Variants in PCSK5 observed in about 807,000 individuals in gnomAD.
PCSK5 encodes the protein proprotein convertase subtilisin/kexin type 5, also known as prohormone convertase 5.
In PCSK5, 129 loss-of-function variants were observed where a neutral mutation model predicts 233.2. That is an observed-to-expected ratio of 0.55 (90% CI 0.48 to 0.64). The LOEUF is 0.64. PCSK5 is among the 30% of genes least tolerant of loss of function. The pLI is 0.00. For synonymous variants in PCSK5, 825 were observed against 879.2 expected (o/e 0.94, Z 1.09); for missense variants, 2,076 against 2,430.1 (o/e 0.85, Z 3.06).
chr9:75,890,795 T>G lies in PCSK5; in HGVS notation c.-387T>G. The G allele has an allele frequency of 5.4e-6, 1 of 183,998 alleles. No homozygotes were observed. Among genetic ancestry groups the G allele is most frequent in the Non-Finnish European group, 1.1e-5 (1 of 88,710 alleles). The allele number at this position is 183,998 out of a possible 1,614,324, so 11.4% of individuals were successfully genotyped here. ...TCGCTGCCTGTACCGCTCCCGCTGG[T>G]CATCTCCGCCGCGCTCGGGGGCCCC... On this transcript the variant is annotated 5_prime_UTR_variant, in exon 1 of 38. Transcript: ENST00000674117.
intron 2 of PCSK5, among the ~76,000 whole-genome samples, chr9:75,977,478 G>C (rs545434059): frequency 6.9e-6 from 1 of 145,840 alleles, no homozygotes; most frequent in Non-Finnish European, 1.5e-5. Flanking sequence ...TGTCTTTTTT[G>C]CTTCTGAGAT....
At chr9:76,062,558 G>C (rs1287739526) in intron 5 of PCSK5, among the ~76,000 whole-genome samples, 1 of 152,116 alleles carries the variant, frequency 6.6e-6, no homozygotes, top group Non-Finnish European at 1.5e-5. Context: ...TGTACACAGG[G>C]TTTATCCAGA....
At chr9:75,991,350 G>T (rs1267441065) in intron 3 of PCSK5, among the ~76,000 whole-genome samples, 25 of 152,072 alleles carry the variant, frequency 1.6e-4, no homozygotes, top group Non-Finnish European at 4.4e-5. Flanking sequence ...TGATGCTGGG[G>T]TCTCAAAACC....
At chr9:76,278,867 C>T (rs1188102876) in intron 24 of PCSK5, among the ~76,000 whole-genome samples, 1 of 152,088 alleles carries the variant, frequency 6.6e-6, no homozygotes, top group Non-Finnish European at 1.5e-5. Context: ...AGTGAACAGG[C>T]ATATCTCATT....
At chr9:76,347,838 T>C (rs1391507987) in intron 35 of PCSK5, among the ~76,000 whole-genome samples, 1 of 151,918 alleles carries the variant, frequency 6.6e-6, no homozygotes, top group Non-Finnish European at 1.5e-5. Context: ...AGTTATGGAC[T>C]GTTCTCCCTC....
intron 1 of PCSK5, among the ~76,000 whole-genome samples, chr9:75,911,201 G>GTTTTTTTTTTTTTTTTTTTTTTTTTT (rs71370772): frequency 1.6e-4 from 8 of 48,766 alleles, no homozygotes; most frequent in East Asian, 7.3e-4. Context: ...GAACATATAG[G>GTTTTTTTTTTTTTTTTTTTTTTTTTT]TTTTTTTTTT....
At chr9:76,220,368 A>C (rs968739020) in intron 20 of PCSK5, among the ~76,000 whole-genome samples, 1 of 151,922 alleles carries the variant, frequency 6.6e-6, no homozygotes, top group African/African-American at 2.4e-5. Context: ...CTCTACTAAA[A>C]ATACAAAAAT....
intron 24 of PCSK5, among the ~76,000 whole-genome samples, chr9:76,242,480 A>G (rs576281188): frequency 6.6e-6 from 1 of 152,286 alleles, no homozygotes; most frequent in South Asian, 2.1e-4. Context: ...AACACTTAAG[A>G]AGAAGATAAA....
intron 21 of PCSK5, among the ~76,000 whole-genome samples, chr9:76,229,195 A>C (rs35823552): frequency 0.57 from 86,028 of 152,146 alleles, 24,874 homozygotes; most frequent in African/African-American, 0.64. Flanking sequence ...ACTTACTCTA[A>C]GATACAGATA....
At position 76,040,367 on chromosome 9, in the gene PCSK5, CTCTCTCTCTCTCTCTCTG is replaced by C. The variant is rs1563988559; in HGVS notation, c.632+13348_632+13365del. 7.4e-4 allele frequency among the ~76,000 whole-genome samples: 49 copies of C among 66,378 alleles called. 4 individuals are homozygous for C. The highest frequency in any genetic ancestry group is 3.7e-3 in the East Asian group (6 of 1,620). The allele number at this position is 66,378 out of a possible 152,430, so 43.5% of individuals were successfully genotyped here. The stretch of plus-strand genomic sequence containing the variant: ...TCTCTCTCTCTCTCTCTCTCTCTCT[CTCTCTCTCTCTCTCTCTG>C]TCTCTCTCTCTCTCTCTCTCTCTCT... On this transcript the variant is annotated intron_variant, in intron 5 of 37. Transcript: ENST00000674117.
intron 20 of PCSK5, among the ~76,000 whole-genome samples, chr9:76,214,388 A>G (rs1414531712): frequency 1.3e-5 from 2 of 152,058 alleles, no homozygotes; most frequent in Admixed American, 1.3e-4. Context: ...GGGGGGTGCC[A>G]TTTAAACATG....
chr9:76,219,414 C>T (rs1048637790), intron 20 of PCSK5, among the ~76,000 whole-genome samples: 21 of 152,134 alleles, frequency 1.4e-4, no homozygotes, highest in African/African-American at 4.8e-4. Flanking sequence ...GCTAAAAAAA[C>T]GAAAGAGGAT....
intron 2 of PCSK5, among the ~76,000 whole-genome samples, chr9:75,981,878 A>G (rs1333615346): frequency 6.6e-6 from 1 of 152,136 alleles, no homozygotes; most frequent in Non-Finnish European, 1.5e-5. Context: ...CATATTTGAA[A>G]TTGTTTTTTG....
At chr9:76,072,037 A>C in intron 7 of PCSK5, 139 bp downstream of exon 7, 1 of 705,198 alleles carries the variant, frequency 1.4e-6, no homozygotes, top group Non-Finnish European at 2.3e-6. Flanking sequence ...TAATGGAAAG[A>C]GGTGGTGAAC....
At chr9:76,216,489 C>A (rs1825537921) in intron 20 of PCSK5, among the ~76,000 whole-genome samples, 1 of 152,150 alleles carries the variant, frequency 6.6e-6, no homozygotes, top group African/African-American at 2.4e-5. Context: ...CAGTGAGTGT[C>A]ACAAACAATA....
At chr9:76,191,382 G>C (rs1824369059) in intron 20 of PCSK5, among the ~76,000 whole-genome samples, 2 of 152,122 alleles carry the variant, frequency 1.3e-5, no homozygotes, top group South Asian at 4.1e-4. Flanking sequence ...TTCATACCTG[G>C]TCTCCAGGCC....
In PCSK5 at chr9:76,322,149, C is replaced by T. The variant is rs1026019655; in HGVS notation, c.4102+510C>T. ...ATTTTTAGTAGAGACGAGGTTTCTC[C>T]ATGTTGGTCAGGCTGGTCTCAAACT... On this transcript the variant is annotated intron_variant, in intron 31 of 37. Transcript: ENST00000674117. 2.6e-5 allele frequency among the ~76,000 whole-genome samples: 4 copies of T among 152,172 alleles called. No homozygotes were observed. The East Asian group carries it at 7.7e-4, about 29-fold the overall frequency.
chr9:76,124,896 C>T (rs1440189957), intron 9 of PCSK5, among the ~76,000 whole-genome samples: 1 of 152,102 alleles, frequency 6.6e-6, no homozygotes, highest in Non-Finnish European at 1.5e-5. Context: ...TCATACTCCT[C>T]ATAATCTTCC....
chr9:76,327,673 G>A (rs74536273), intron 32 of PCSK5, among the ~76,000 whole-genome samples: 4,461 of 152,246 alleles, frequency 0.029, 198 homozygotes, highest in African/African-American at 0.093. Context: ...TGGAAAATTC[G>A]ATGCCATTAC....
Sources: allele counts gnomAD v4.1 joint callset (sites outside exome capture counted in the v4.1 genomes callset), GRCh38; gene constraint gnomAD v4.1.1; transcripts MANE v1.5; gene names NCBI Gene and HGNC (gene_info 2026-07-23, HGNC 2026-07-21).